MAGI2: variants seen among roughly 807,000 people sequenced by gnomAD.
The protein encoded by MAGI2 is membrane-associated guanylate kinase, WW and PDZ domain-containing protein 2.
Under a neutral mutation model 133.3 loss-of-function variants are expected in MAGI2, and 35 were observed. That is an observed-to-expected ratio of 0.26 (90% CI 0.20 to 0.35). The LOEUF (loss-of-function observed/expected upper bound fraction) is 0.35, where lower values mean the gene tolerates loss of function less well. MAGI2 is among the 10% of genes least tolerant of loss of function. The pLI is 1.00. For missense variants in MAGI2, 1,636 were observed against 1,863.4 expected (o/e 0.88, Z 2.25); for synonymous variants, 729 against 710.6 (o/e 1.03, Z -0.41).
intron 1 of MAGI2, among the ~76,000 whole-genome samples, chr7:79,133,951 A>G (rs991649255): frequency 6.6e-6 from 1 of 152,218 alleles, no homozygotes; most frequent in African/African-American, 2.4e-5. Flanking sequence ...TTGTCTTTAT[A>G]GAGCCTCACA....
At chr7:79,130,942 TTCAC>T (rs1438096608) in intron 1 of MAGI2, among the ~76,000 whole-genome samples, 2 of 152,006 alleles carry the variant, frequency 1.3e-5, no homozygotes. Flanking sequence ...CATTTATTCA[TTCAC>T]TCACTCATTC....
At chr7:78,300,295 T>G (rs1797716735) in intron 9 of MAGI2, among the ~76,000 whole-genome samples, 1 of 152,246 alleles carries the variant, frequency 6.6e-6, no homozygotes, top group African/African-American at 2.4e-5. Context: ...GTTAACTACA[T>G]ATCAGTGTAA....
chr7:78,096,884 C>A (rs1817740233), intron 20 of MAGI2, among the ~76,000 whole-genome samples: 1 of 152,096 alleles, frequency 6.6e-6, no homozygotes, highest in African/African-American at 2.4e-5. Context: ...GAGTAAACAA[C>A]CTACAGAATG....
intron 6 of MAGI2, among the ~76,000 whole-genome samples, chr7:78,390,100 A>G (rs1455232408): frequency 6.6e-6 from 1 of 152,178 alleles, no homozygotes; most frequent in African/African-American, 2.4e-5. Context: ...TTTTTCTTTT[A>G]TATTTGACAT....
At chr7:79,347,242 G>A (rs758812872) in intron 1 of MAGI2, among the ~76,000 whole-genome samples, 11 of 151,774 alleles carry the variant, frequency 7.2e-5, no homozygotes, top group Non-Finnish European at 1.0e-4. Context: ...AAAATAGCAC[G>A]CTAAAATCAT....
At chr7:78,724,031 T>C (rs1162666965) in intron 2 of MAGI2, among the ~76,000 whole-genome samples, 1 of 152,146 alleles carries the variant, frequency 6.6e-6, no homozygotes, top group Non-Finnish European at 1.5e-5. Context: ...TGCTGCTTGC[T>C]GCACAGAAAG....
At chr7:79,247,707 T>C (rs747095689) in intron 1 of MAGI2, among the ~76,000 whole-genome samples, 2 of 151,882 alleles carry the variant, frequency 1.3e-5, no homozygotes, top group African/African-American at 2.4e-5. Flanking sequence ...AGTTCAAAAA[T>C]GGGGGTGGGA....
In MAGI2 at chr7:78,180,483, TC is replaced by T. The variant is rs143380973; in HGVS notation, c.2312-2382del. Among the ~76,000 whole-genome samples the T allele has an allele frequency of 2.2e-3, 339 of 152,350 alleles. 1 individual carries two copies. Among genetic ancestry groups the T allele is most frequent in the African/African-American group, 7.7e-3 (322 of 41,586 alleles). On this transcript the variant is annotated intron_variant, in intron 13 of 21. Transcript: ENST00000354212. ...ATTCCTGGAGGAATTAAGGGGCTTT[TC>T]TTTAATGAATAACTTATGACTTCTT...
chr7:78,765,983 G>A (rs1268104315), intron 2 of MAGI2, among the ~76,000 whole-genome samples: 1 of 152,166 alleles, frequency 6.6e-6, no homozygotes, highest in Non-Finnish European at 1.5e-5. Flanking sequence ...TGCTTTCTAA[G>A]ATCTGAAAGA....
At chr7:78,661,965 A>G (rs1813007156) in intron 2 of MAGI2, among the ~76,000 whole-genome samples, 1 of 152,194 alleles carries the variant, frequency 6.6e-6, no homozygotes, top group Non-Finnish European at 1.5e-5. Flanking sequence ...ACAACAACAC[A>G]AGGCTACCAG....
In MAGI2 at chr7:78,409,213, G is replaced by A. The variant is rs570230104; in HGVS notation, c.1046-40000C>T. ...TATATTATAGGTATCATGAGGACTAGGACCCTGTGTCTTTTTTTAGGTGTT... is the reference window on the plus strand; with the variant it reads ...TATATTATAGGTATCATGAGGACTAAGACCCTGTGTCTTTTTTTAGGTGTT... On this transcript the variant is annotated intron_variant, in intron 6 of 21. Coordinates refer to ENST00000354212, the MANE Select transcript of MAGI2 (RefSeq NM_012301.4). 2.6e-5 allele frequency among the ~76,000 whole-genome samples: 4 copies of A among 152,162 alleles called. No individual in the cohort carries two copies. The East Asian group carries it at 7.7e-4, about 29-fold the overall frequency.
At chr7:78,737,829 G>A (rs1485081193) in intron 2 of MAGI2, among the ~76,000 whole-genome samples, 2 of 151,810 alleles carry the variant, frequency 1.3e-5, no homozygotes, top group African/African-American at 4.8e-5. Flanking sequence ...TAACAGATAT[G>A]ACCCACATTT....
intron 2 of MAGI2, among the ~76,000 whole-genome samples, chr7:78,757,300 CCTCCTTCTCT>C (rs1824048314): frequency 8.1e-6 from 1 of 123,422 alleles, no homozygotes; most frequent in Non-Finnish European, 1.8e-5. Flanking sequence ...CCTCCTTCTC[CCTCCTTCTCT>C]CTCTCTCTCT....
At chr7:78,082,496 T>C (rs1816091943) in intron 20 of MAGI2, among the ~76,000 whole-genome samples, 1 of 152,158 alleles carries the variant, frequency 6.6e-6, no homozygotes. Flanking sequence ...TAATTTCGGC[T>C]TTCCATGTAG....
At chr7:79,080,010 G>C (rs918067216) in intron 1 of MAGI2, among the ~76,000 whole-genome samples, 29 of 152,012 alleles carry the variant, frequency 1.9e-4, no homozygotes, top group African/African-American at 4.8e-5. Flanking sequence ...TATCAACAGA[G>C]TTCATTTTTT....
chr7:78,884,110 A>T (rs554848920), intron 2 of MAGI2, among the ~76,000 whole-genome samples: 1 of 152,208 alleles, frequency 6.6e-6, no homozygotes, highest in Non-Finnish European at 1.5e-5. Flanking sequence ...TATGCATCCA[A>T]CAAAGGTCTA....
chr7:78,272,735 C>G (rs1206173104), intron 9 of MAGI2, among the ~76,000 whole-genome samples: 1 of 152,104 alleles, frequency 6.6e-6, no homozygotes, highest in Admixed American at 6.5e-5. Flanking sequence ...GGTTTAAAGT[C>G]TGTTTTATCA....
intron 1 of MAGI2, among the ~76,000 whole-genome samples, chr7:79,031,857 AGATTT>A (rs1810608977): frequency 6.6e-6 from 1 of 152,180 alleles, no homozygotes; most frequent in Admixed American, 6.6e-5. Flanking sequence ...TAATTGATTT[AGATTT>A]ATCATCCAAA....
intron 21 of MAGI2, among the ~76,000 whole-genome samples, chr7:78,032,926 T>A (rs1392413261): frequency 2.6e-5 from 4 of 151,838 alleles, no homozygotes; most frequent in African/African-American, 9.7e-5. Flanking sequence ...AAGTGTGAGA[T>A]CATATAGGGC....
Sources: allele counts gnomAD v4.1 joint callset (sites outside exome capture counted in the v4.1 genomes callset), GRCh38; gene constraint gnomAD v4.1.1; transcripts MANE v1.5; gene names NCBI Gene and HGNC (gene_info 2026-07-23, HGNC 2026-07-21).